Variants in FSTL5 observed in about 807,000 individuals in gnomAD.
FSTL5 encodes follistatin-related protein 5.
In FSTL5, 62 loss-of-function variants were observed where a neutral mutation model predicts 89.1. The ratio of observed to expected loss-of-function variants is 0.70; its 90% CI spans 0.57 to 0.86. FSTL5 has a LOEUF of 0.86. Among genes scored for constraint, FSTL5 ranks in the 40% least tolerant of loss-of-function variants. The pLI is 0.00. For missense variants in FSTL5, 1,057 were observed against 1,001.6 expected, an observed-to-expected ratio of 1.06 and a Z score of -0.75; for synonymous variants, 383 against 346.2, an observed-to-expected ratio of 1.11 and a Z score of -1.18.
rs181476133 is a variant in FSTL5 at position 161,472,916 on chromosome 4, G to A, written c.1608+8104C>T. On this transcript the variant is annotated intron_variant, in intron 13 of 15. Transcript: ENST00000306100. ...ATTTTTGTATTTTTAGTAGAGACGGGGTTTCACCAGGTTGGCCAGGATCGT... is the reference window on the plus strand; with the variant it reads ...ATTTTTGTATTTTTAGTAGAGACGGAGTTTCACCAGGTTGGCCAGGATCGT... Among the ~76,000 whole-genome samples the A allele has an allele frequency of 4.6e-4, 70 of 151,948 alleles. 1 individual carries two copies. In the East Asian group the frequency reaches 9.4e-3, roughly 20 times the overall value.
At chr4:161,574,872 C>T (rs1021113235) in intron 8 of FSTL5, among the ~76,000 whole-genome samples, 3 of 152,088 alleles carry the variant, frequency 2.0e-5, no homozygotes, top group African/African-American at 4.8e-5. Flanking sequence ...GTAATGGGAT[C>T]GCTGGGTCAA....
intron 7 of FSTL5, among the ~76,000 whole-genome samples, chr4:161,639,661 T>G (rs1735875815): frequency 6.6e-6 from 1 of 152,134 alleles, no homozygotes; most frequent in African/African-American, 2.4e-5. Context: ...GGAAAGCAAT[T>G]TGAGATGAAT....
At chr4:161,944,043 C>G (rs528821041) in intron 3 of FSTL5, among the ~76,000 whole-genome samples, 38 of 152,068 alleles carry the variant, frequency 2.5e-4, no homozygotes, top group Non-Finnish European at 3.8e-4. Context: ...TAATTTCCAA[C>G]CTTTTAATGT....
chr4:161,980,683 A>G (rs931396761), intron 3 of FSTL5, among the ~76,000 whole-genome samples: 1 of 151,358 alleles, frequency 6.6e-6, no homozygotes, highest in Non-Finnish European at 1.5e-5. Context: ...TACTAGAGAG[A>G]CCAGTGTCTT....
intron 4 of FSTL5, among the ~76,000 whole-genome samples, chr4:161,795,720 T>C (rs1729613512): frequency 6.6e-6 from 1 of 152,076 alleles, no homozygotes; most frequent in Non-Finnish European, 1.5e-5. Flanking sequence ...GAGTATTCTT[T>C]CTCCATTGTG....
chr4:161,501,192 GAGAA>G (rs1730283235), intron 11 of FSTL5, among the ~76,000 whole-genome samples: 1 of 152,042 alleles, frequency 6.6e-6, no homozygotes, highest in South Asian at 2.1e-4. Context: ...CATCTGTAAA[GAGAA>G]AGATAATTTA....
intron 1 of FSTL5, among the ~76,000 whole-genome samples, chr4:162,119,496 T>C (rs1731774581): frequency 6.6e-6 from 1 of 152,226 alleles, no homozygotes; most frequent in Non-Finnish European, 1.5e-5. Context: ...GCAAACATGG[T>C]AATTTTTTCA....
At chr4:161,453,529 A>C (rs890587237) in intron 15 of FSTL5, among the ~76,000 whole-genome samples, 1 of 152,142 alleles carries the variant, frequency 6.6e-6, no homozygotes, top group Non-Finnish European at 1.5e-5. Context: ...AACCTAAAAA[A>C]CTGTTAATTT....
intron 7 of FSTL5, among the ~76,000 whole-genome samples, chr4:161,614,583 C>T (rs564843040): frequency 1.3e-5 from 2 of 152,182 alleles, no homozygotes; most frequent in East Asian, 3.9e-4. Context: ...AATTAAATGA[C>T]TTCATTGATT....
intron 3 of FSTL5, among the ~76,000 whole-genome samples, chr4:162,030,183 G>T (rs1737467256): frequency 6.6e-6 from 1 of 152,032 alleles, no homozygotes; most frequent in Non-Finnish European, 1.5e-5. Context: ...GTCTCCCAAA[G>T]TGCTGAGATT....
In FSTL5 at chr4:161,418,843, A is replaced by T. The variant is rs1731881124; in HGVS notation, c.1842-32394T>A. Among the ~76,000 whole-genome samples the T allele has an allele frequency of 2.6e-5, 4 of 152,362 alleles. No homozygotes were observed. In the South Asian group the frequency reaches 8.3e-4, roughly 32 times the overall value. On this transcript the variant is annotated intron_variant, in intron 15 of 15. Coordinates refer to ENST00000306100, the MANE Select transcript of FSTL5 (RefSeq NM_020116.5). ...CCAAATGTTGGGAACAAAATAGGCA[A>T]CATAGTCTGTAATATCAAATACAAG...
intron 6 of FSTL5, among the ~76,000 whole-genome samples, chr4:161,758,941 A>T (rs899559380): frequency 3.9e-5 from 6 of 152,254 alleles, no homozygotes; most frequent in African/African-American, 1.4e-4. Flanking sequence ...TCAAACATGT[A>T]TCAATTTTTC....
chr4:161,711,664 G>A (rs1396772313), intron 6 of FSTL5, among the ~76,000 whole-genome samples: 8 of 151,778 alleles, frequency 5.3e-5, no homozygotes, highest in Admixed American at 2.0e-4. Flanking sequence ...ACTATTCAAA[G>A]ATAACAGAAG....
At chr4:162,127,957 T>C (rs1448312161) in intron 1 of FSTL5, among the ~76,000 whole-genome samples, 1 of 152,152 alleles carries the variant, frequency 6.6e-6, no homozygotes, top group Non-Finnish European at 1.5e-5. Flanking sequence ...ACATTTCTTT[T>C]TAAAAGAAAT....
At chr4:161,864,119 A>G (rs1732004179) in intron 4 of FSTL5, among the ~76,000 whole-genome samples, 1 of 152,168 alleles carries the variant, frequency 6.6e-6, no homozygotes, top group Non-Finnish European at 1.5e-5. Context: ...TTAGAAACAG[A>G]TTACATCAAG....
chr4:161,750,038 AAAG>A (rs1740344165), intron 6 of FSTL5, among the ~76,000 whole-genome samples: 1 of 152,098 alleles, frequency 6.6e-6, no homozygotes, highest in African/African-American at 2.4e-5. Flanking sequence ...AACTCTTTCT[AAAG>A]TAAATATTCT....
chr4:162,005,820 T>C (rs1736600179), intron 3 of FSTL5, among the ~76,000 whole-genome samples: 1 of 152,096 alleles, frequency 6.6e-6, no homozygotes, highest in Non-Finnish European at 1.5e-5. Context: ...ATAAACAGAC[T>C]CAGGAACTTT....
intron 3 of FSTL5, among the ~76,000 whole-genome samples, chr4:161,979,621 T>A (rs1321878708): frequency 6.6e-6 from 1 of 152,150 alleles, no homozygotes; most frequent in Admixed American, 6.5e-5. Context: ...TATATTTCCA[T>A]CATTATTCTT....
At chr4:161,548,144 C>A (rs1220750472) in intron 8 of FSTL5, among the ~76,000 whole-genome samples, 1 of 151,792 alleles carries the variant, frequency 6.6e-6, no homozygotes, top group African/African-American at 2.4e-5. Context: ...TTTGCATTCC[C>A]ATTCCACAAA....
Sources: gnomAD v4.1 joint callset for allele counts (sites outside exome capture counted in the v4.1 genomes callset) on GRCh38, gnomAD v4.1.1 for gene constraint, MANE v1.5 for transcripts, NCBI Gene and HGNC (gene_info 2026-07-23, HGNC 2026-07-21) for gene names.